MTMR3: variants seen among roughly 807,000 people sequenced by gnomAD.
MTMR3 encodes phosphatidylinositol-3,5-bisphosphate 3-phosphatase MTMR3.
A neutral mutation model predicts 132.4 loss-of-function variants in MTMR3; 32 were observed. The ratio of observed to expected loss-of-function variants is 0.24; its 90% CI spans 0.18 to 0.32. MTMR3 has a LOEUF of 0.32. Ranked by LOEUF, MTMR3 falls within the 10% of genes least tolerant of loss-of-function variation. MTMR3 has a pLI of 1.00. For missense variants in MTMR3, 1,216 were observed against 1,489.6 expected, an observed-to-expected ratio of 0.82 and a Z score of 3.02; for synonymous variants, 556 against 550.3, an observed-to-expected ratio of 1.01 and a Z score of -0.14.
At chr22:29,949,844 A>C (rs2049394695) in intron 1 of MTMR3, among the ~76,000 whole-genome samples, 1 of 152,184 alleles carries the variant, frequency 6.6e-6, no homozygotes, top group African/African-American at 2.4e-5. Flanking sequence ...TCACAAGATT[A>C]TAATTAGGAA....
At chr22:29,953,848 G>A (rs1021102773) in intron 1 of MTMR3, among the ~76,000 whole-genome samples, 4 of 151,970 alleles carry the variant, frequency 2.6e-5, no homozygotes, top group Non-Finnish European at 4.4e-5. Flanking sequence ...AGCATCCCTT[G>A]TTATTTTTAG....
rs2067471516 is a variant in MTMR3, at chr22:30,012,953, C to A, written c.1317+390C>A. 5 of 193,032 alleles carry A rather than the reference C, an allele frequency of 2.6e-5. No homozygotes were observed. In the South Asian group the frequency reaches 8.4e-4, roughly 33 times the overall value. 12.0% of individuals were successfully genotyped at this position (193,032 alleles called of 1,614,324 possible). ...GTTGGGTTAAAGATGAAAGAAAAATCATAAAGTACCCTAAAATATATGCAA... is the reference window on the plus strand; with the variant it reads ...GTTGGGTTAAAGATGAAAGAAAAATAATAAAGTACCCTAAAATATATGCAA... On this transcript the variant is annotated intron_variant, in intron 13 of 19. Transcript: ENST00000401950.
intron 1 of MTMR3, among the ~76,000 whole-genome samples, chr22:29,913,726 G>GT (rs546672898): frequency 0.16 from 22,920 of 146,250 alleles, 1,815 homozygotes; most frequent in South Asian, 0.25. Flanking sequence ...GGATATTGGG[G>GT]TTTTTTTTTT....
In MTMR3 at chr22:30,029,379, G is replaced by C. The variant is rs1014236880; in HGVS notation, c.*3578G>C. 4.6e-5 allele frequency: 7 copies of C among 152,314 alleles called. No individual in the cohort carries two copies. Among genetic ancestry groups the C allele is most frequent in the Non-Finnish European group, 1.0e-4 (7 of 68,036 alleles). The allele number at this position is 152,314 out of a possible 1,614,324, so 9.4% of individuals were successfully genotyped here. ...TGAGGATGTACAGAAAAGTTTTCCT[G>C]TAATAATTTTGCTTATATGCTAACT... On this transcript the variant is annotated 3_prime_UTR_variant, in exon 20 of 20. Coordinates refer to ENST00000401950, the MANE Select transcript of MTMR3 (RefSeq NM_021090.4).
At chr22:29,909,143 G>T (rs924077962) in intron 1 of MTMR3, among the ~76,000 whole-genome samples, 1 of 151,820 alleles carries the variant, frequency 6.6e-6, no homozygotes, top group African/African-American at 2.4e-5. Flanking sequence ...TTTATTTCTT[G>T]TAGAGACTGA....
intron 8 of MTMR3, 67 bp from the exon 9 acceptor site, chr22:30,002,813 C>T (rs2067203436): frequency 3.3e-6 from 4 of 1,217,100 alleles, no homozygotes; most frequent in Non-Finnish European, 3.6e-6. Context: ...GTGTCTCTCT[C>T]TCTCTCCCGT....
intron 16 of MTMR3, 83 bp downstream of exon 16, chr22:30,018,155 T>C (rs2067646482): frequency 2.2e-6 from 3 of 1,379,918 alleles, no homozygotes; most frequent in Non-Finnish European, 2.9e-6. Context: ...TGGTCAGAGA[T>C]CATGATGGTA....
intron 1 of MTMR3, among the ~76,000 whole-genome samples, chr22:29,953,198 T>C (rs558696237): frequency 2.2e-4 from 34 of 152,326 alleles, no homozygotes; most frequent in African/African-American, 7.7e-4. Flanking sequence ...TAGAAAGTAT[T>C]CTGTTGTTCT....
intron 1 of MTMR3, among the ~76,000 whole-genome samples, chr22:29,897,444 T>C (rs182085755): frequency 2.0e-5 from 3 of 152,074 alleles, no homozygotes; most frequent in Non-Finnish European, 4.4e-5. Context: ...AGTATGTTTT[T>C]ATTTATTTAT....
chr22:29,938,196 A>G (rs1283779210), intron 1 of MTMR3, among the ~76,000 whole-genome samples: 1 of 151,752 alleles, frequency 6.6e-6, no homozygotes, highest in Non-Finnish European at 1.5e-5. Context: ...GGGTGGCACT[A>G]CAGTTCTGAG....
At chr22:29,901,447 C>CT (rs1376720937) in intron 1 of MTMR3, among the ~76,000 whole-genome samples, 1 of 152,070 alleles carries the variant, frequency 6.6e-6, no homozygotes, top group South Asian at 2.1e-4. Flanking sequence ...AATTAAGACT[C>CT]TATCATATGT....
intron 16 of MTMR3, chr22:30,019,272 G>T: frequency 1.7e-6 from 1 of 574,530 alleles, no homozygotes; most frequent in Non-Finnish European, 3.1e-6. Flanking sequence ...GGGGTTGGGG[G>T]AGTTTGAAAG....
chr22:29,944,221 T>A (rs1172227076), intron 1 of MTMR3, among the ~76,000 whole-genome samples: 1 of 151,698 alleles, frequency 6.6e-6, no homozygotes, highest in Non-Finnish European at 1.5e-5. Flanking sequence ...TCTTTTAGAT[T>A]GGTGCAAAAG....
chr22:29,890,286 G>A (rs1207917012), intron 1 of MTMR3, among the ~76,000 whole-genome samples: 1 of 152,122 alleles, frequency 6.6e-6, no homozygotes, highest in African/African-American at 2.4e-5. Context: ...GGAGGCCAAG[G>A]CGGGTGGATC....
chr22:29,941,674 T>C (rs1385696412), intron 1 of MTMR3, among the ~76,000 whole-genome samples: 1 of 152,224 alleles, frequency 6.6e-6, no homozygotes, highest in South Asian at 2.1e-4. Flanking sequence ...ATACTTCTCC[T>C]ACATGACTTT....
At chr22:29,903,390 CTTT>C (rs35625964) in intron 1 of MTMR3, among the ~76,000 whole-genome samples, 2 of 119,700 alleles carry the variant, frequency 1.7e-5, no homozygotes, top group Non-Finnish European at 3.3e-5. Context: ...CTTTTTCTTT[CTTT>C]TTTTTTTTTT....
intron 9 of MTMR3, chr22:30,005,915 T>G (rs1569045830): frequency 6.6e-6 from 1 of 152,188 alleles, no homozygotes; most frequent in Non-Finnish European, 1.5e-5. Flanking sequence ...TAACCCCAAC[T>G]TAGAATTAGG....
chr22:29,919,867 C>T (rs1450793099), intron 1 of MTMR3, among the ~76,000 whole-genome samples: 7 of 152,060 alleles, frequency 4.6e-5, no homozygotes, highest in Non-Finnish European at 1.0e-4. Flanking sequence ...AGGTTAAACT[C>T]AACACAGTAT....
At chr22:29,979,782 A>G (rs947314592) in intron 5 of MTMR3, 3 of 152,408 alleles carry the variant, frequency 2.0e-5, no homozygotes, top group African/African-American at 7.2e-5. Flanking sequence ...CTCTCATTAC[A>G]GCATGAGGTT....
Sources: gnomAD v4.1 joint callset for allele counts (sites outside exome capture counted in the v4.1 genomes callset) on GRCh38, gnomAD v4.1.1 for gene constraint, MANE v1.5 for transcripts, NCBI Gene and HGNC (gene_info 2026-07-23, HGNC 2026-07-21) for gene names.